Variants in OTOG observed in about 807,000 individuals in gnomAD.
OTOG encodes the protein otogelin.
In OTOG, 296 loss-of-function variants were observed where a neutral mutation model predicts 313.8. That is an observed-to-expected ratio of 0.94 (90% CI 0.86 to 1.04). OTOG has a LOEUF of 1.04. Among genes scored for constraint, OTOG ranks in the 50% least tolerant of loss-of-function variants. OTOG has a pLI of 0.00. For synonymous variants in OTOG, 1,533 were observed against 1,554.9 expected, an observed-to-expected ratio of 0.99 and a Z score of 0.33; for missense variants, 3,948 against 3,840.1, an observed-to-expected ratio of 1.03 and a Z score of -0.74.
In OTOG at chr11:17,614,151, A is replaced by AC. The variant is rs1853667087; in HGVS notation, c.6528+455dup. Among the ~76,000 whole-genome samples the AC allele has an allele frequency of 2.0e-5, 3 of 151,988 alleles. No individual in the cohort carries two copies. The South Asian group carries it at 6.2e-4, about 32-fold the overall frequency. On this transcript the variant is annotated intron_variant, in intron 39 of 55. Coordinates refer to ENST00000399397, the MANE Select transcript of OTOG (RefSeq NM_001292063.2). The stretch of plus-strand genomic sequence containing the variant: ...AGGCCGGGGTATCCAACAACAGCCC[A>AC]CCCCCATATGGGCATCCTCTCCAGA...
Position 17,611,039 on chromosome 11 carries a change from A to G in OTOG, c.5739A>G (p.Leu1913=), listed in dbSNP as rs1853526345. ...RKSTTGKVAI[L]SKQVSLPTSM... is the part of the protein sequence containing the mutation. ...GCACCACAGGGAAGGTGGCCATCCT[A>G]TCCAAGCAAGTGTCTCTGCCCACTT... Residue 1913 remains leucine, a synonymous_variant, in exon 36 of 56, where the codon CTA becomes CTG. Transcript: ENST00000399397. The G allele has an allele frequency of 1.3e-6, 2 of 1,550,364 alleles. No homozygotes were observed. The highest frequency in any genetic ancestry group is 1.4e-5 in the African/African-American group (1 of 73,022).
chr11:17,573,193 C>A lies in OTOG; in HGVS notation c.2196C>A (p.Cys732Ter), dbSNP rs768421997. 5 of 1,539,718 alleles carry A rather than the reference C, an allele frequency of 3.2e-6. No homozygotes were observed. The highest frequency in any genetic ancestry group is 2.4e-5 in the East Asian group (1 of 40,904). The change falls in exon 19 of 56, where the codon TGC (cysteine) becomes TGA (stop). Residue 732 changes from cysteine (C) to a stop codon, truncating the protein, a stop_gained. Transcript: ENST00000399397. LOFTEE classifies it high-confidence loss of function. The stretch of plus-strand genomic sequence containing the variant: ...AGTGCCGCAGGGATGCCTGCCGCTG[C>A]GGGCAGCCCTGCCTGTGCGCCACAC... ...FEQCRRDACR[C>*]GQPCLCATLA...
At chr11:17,576,467 G>A in intron 20 of OTOG, 89 bp from the exon 21 acceptor site, 2 of 992,588 alleles carry the variant, frequency 2.0e-6, no homozygotes, top group Non-Finnish European at 3.1e-6. Context: ...TTATGCACCT[G>A]GTTGGCTGAG....
chr11:17,590,690 C>T (rs1852910414), intron 24 of OTOG, among the ~76,000 whole-genome samples: 1 of 152,230 alleles, frequency 6.6e-6, no homozygotes, highest in Admixed American at 6.5e-5. Context: ...TTATTGGACC[C>T]ATGTCACCTG....
chr11:17,618,191 A>G (rs1284349882), intron 39 of OTOG, among the ~76,000 whole-genome samples: 2 of 152,154 alleles, frequency 1.3e-5, no homozygotes, highest in Non-Finnish European at 2.9e-5. Flanking sequence ...GTGAGCCACC[A>G]TGCCTGGCCT....
At position 17,645,802 on chromosome 11, in the gene OTOG, T is replaced by G; in HGVS notation, c.8600T>G (p.Ile2867Ser). 1 of 1,551,030 alleles carries G rather than the reference T, an allele frequency of 6.4e-7. No individual in the cohort carries two copies. The stretch of plus-strand genomic sequence containing the variant: ...TCCGCCAGCATCTACAACTACAACA[T>G]CAACACCTATGCCCGATTCTGCAAG... Reference protein sequence around the residue: ...CPSASIYNYNINTYARFCKCC... With the variant: ...CPSASIYNYNSNTYARFCKCC... Residue 2867 changes from isoleucine (I) to serine (S), a missense_variant, in exon 56 of 56, where the codon ATC becomes AGC. By Grantham distance (142) the Ile-to-Ser change is moderately radical. Coordinates refer to ENST00000399397, the MANE Select transcript of OTOG (RefSeq NM_001292063.2).
chr11:17,589,862 GGGC>G (rs1425818902), intron 24 of OTOG, among the ~76,000 whole-genome samples: 20 of 152,080 alleles, frequency 1.3e-4, no homozygotes, highest in African/African-American at 4.6e-4. Flanking sequence ...CTAGACCTGT[GGGC>G]AGCATTTGAC....
intron 15 of OTOG, among the ~76,000 whole-genome samples, chr11:17,562,045 AAATAT>A (rs1238325971): frequency 9.2e-5 from 11 of 120,210 alleles, no homozygotes; most frequent in East Asian, 4.2e-4. Context: ...CCTAAAAAAA[AAATAT>A]ATATATATAT....
Position 17,635,074 on chromosome 11 carries a change from C to A in OTOG, c.7586-6C>A. 6.5e-7 allele frequency: 1 copy of A among 1,546,068 alleles called. No homozygotes were observed. Among genetic ancestry groups the A allele is most frequent in the Non-Finnish European group, 8.7e-7 (1 of 1,144,032 alleles). On this transcript the variant is annotated splice_region_variant and splice_polypyrimidine_tract_variant and intron_variant, in intron 45 of 55. Transcript: ENST00000399397. ...TCCCAGCACCTAAATTCAGCCTTTT[C>A]CCCAGAGTGTGACCCAGATCTCTGT...
At chr11:17,603,157 C>A (rs553595841) in intron 32 of OTOG, among the ~76,000 whole-genome samples, 1 of 152,112 alleles carries the variant, frequency 6.6e-6, no homozygotes, top group Non-Finnish European at 1.5e-5. Context: ...GTGATGTTCA[C>A]GGTGGTGTGA....
intron 11 of OTOG, 140 bp downstream of exon 11, chr11:17,559,301 C>T (rs1040085599): frequency 1.2e-4 from 115 of 930,432 alleles, no homozygotes; most frequent in African/African-American, 6.0e-4. Context: ...ATGAGAAAGA[C>T]GAAAAAACTG....
intron 21 of OTOG, 40 bp from the exon 22 acceptor site, chr11:17,576,828 G>A: frequency 2.6e-6 from 4 of 1,548,882 alleles, no homozygotes; most frequent in Non-Finnish European, 3.5e-6. Context: ...GTCCTGCAGT[G>A]ACTGGGTCGG....
chr11:17,630,718 A>T (rs1854102167), intron 40 of OTOG, among the ~76,000 whole-genome samples: 1 of 152,342 alleles, frequency 6.6e-6, no homozygotes, highest in Non-Finnish European at 1.5e-5. Flanking sequence ...AATGTCATGG[A>T]TAGTGCATCT....
intron 32 of OTOG, among the ~76,000 whole-genome samples, chr11:17,604,909 A>G (rs1853344249): frequency 6.6e-6 from 1 of 152,230 alleles, no homozygotes; most frequent in African/African-American, 2.4e-5. Context: ...AGTCTCTGTT[A>G]CCTGCCATCT....
chr11:17,586,856 A>G (rs1003705354), intron 24 of OTOG, among the ~76,000 whole-genome samples: 1 of 152,250 alleles, frequency 6.6e-6, no homozygotes, highest in East Asian at 1.9e-4. Flanking sequence ...TTGCATATTT[A>G]TATGAACATA....
chr11:17,590,520 C>A (rs1852905887), intron 24 of OTOG, among the ~76,000 whole-genome samples: 1 of 152,230 alleles, frequency 6.6e-6, no homozygotes, highest in African/African-American at 2.4e-5. Context: ...CTGCAGTAGC[C>A]ACTCAGCTGG....
intron 54 of OTOG, among the ~76,000 whole-genome samples, chr11:17,644,052 T>G (rs1202580148): frequency 1.3e-5 from 2 of 152,348 alleles, no homozygotes; most frequent in South Asian, 4.1e-4. Context: ...TTCTGCTAGA[T>G]GGCCTGATCT....
chr11:17,555,521 T>G (rs912406006), intron 6 of OTOG, among the ~76,000 whole-genome samples: 4 of 152,154 alleles, frequency 2.6e-5, no homozygotes, highest in African/African-American at 9.7e-5. Flanking sequence ...AGCCCTGGAA[T>G]CTGAGCCATC....
chr11:17,593,480 T>A, intron 26 of OTOG, 130 bp from the exon 27 acceptor site: 1 of 1,435,706 alleles, frequency 7.0e-7, no homozygotes, highest in South Asian at 1.4e-5. Context: ...TTGGCCAGGG[T>A]CAGGAACACA....
Sources: gnomAD v4.1 joint callset for allele counts (sites outside exome capture counted in the v4.1 genomes callset) on GRCh38, gnomAD v4.1.1 for gene constraint, MANE v1.5 for transcripts, NCBI Gene and HGNC (gene_info 2026-07-23, HGNC 2026-07-21) for gene names.